The following HTT variants were observed in gnomAD, a reference collection of about 807,000 sequenced individuals.
HTT encodes the protein huntingtin.
Under a neutral mutation model 362.3 loss-of-function variants are expected in HTT, and 104 were observed. The ratio of observed to expected loss-of-function variants is 0.29; its 90% CI spans 0.24 to 0.34. The LOEUF is 0.34. HTT is among the 10% of genes least tolerant of loss of function. The probability of loss-of-function intolerance (pLI) is 1.00; values close to 1 mark genes in which losing one functional copy is unlikely to be tolerated. For synonymous variants in HTT, 1,577 were observed against 1,548.7 expected, an observed-to-expected ratio of 1.02 and a Z score of -0.43; for missense variants, 3,301 against 3,928.6, an observed-to-expected ratio of 0.84 and a Z score of 4.27.
intron 29 of HTT, among the ~76,000 whole-genome samples, chr4:3,169,183 T>C (rs1717853639): frequency 6.6e-6 from 1 of 152,232 alleles, no homozygotes; most frequent in African/African-American, 2.4e-5. Flanking sequence ...CACGCCTGGC[T>C]AATTTTTTGT....
At chr4:3,174,865 A>G (rs534544200) in intron 32 of HTT, 66 bp downstream of exon 32, 1 of 1,560,664 alleles carries the variant, frequency 6.4e-7, no homozygotes, top group African/African-American at 1.4e-5. Flanking sequence ...ACTGGAGCTG[A>G]GACTTTCCAG....
chr4:3,204,189 G>A, intron 42 of HTT, 41 bp downstream of exon 42: 1 of 1,609,768 alleles, frequency 6.2e-7, no homozygotes, highest in Non-Finnish European at 8.5e-7. Context: ...AGGGAGGTGG[G>A]GACCAGGAGA....
intron 22 of HTT, 96 bp from the exon 23 acceptor site, chr4:3,142,670 T>C (rs2110200268): frequency 1.5e-6 from 1 of 647,600 alleles, no homozygotes. Flanking sequence ...TGCTTAACTT[T>C]TTTTAATCTT....
chr4:3,138,736 C>CA (rs772927181), intron 21 of HTT, among the ~76,000 whole-genome samples: 10 of 152,230 alleles, frequency 6.6e-5, no homozygotes, highest in Non-Finnish European at 1.2e-4. Flanking sequence ...GTCAGCCTCC[C>CA]AGGAAGCTGG....
In HTT at chr4:3,130,307, C is replaced by A; in HGVS notation, c.1870C>A (p.Leu624Ile). ...TCTTGATTTCTCTGTTTTTAAAGCC[C>A]TTCAACAGGCACATTTATTGAAAAA... ...SEAFRNSSMA[L>I]QQAHLLKNMS... Residue 624 changes from leucine (L) to isoleucine (I), a missense_variant and splice_region_variant, in exon 14 of 67, where the codon CTT (leucine) becomes ATT (isoleucine). Physicochemically the swap from Leu to Ile is conservative, Grantham distance 5 (BLOSUM62 2). Around this residue, in one of 4 missense-constraint regions of HTT, gnomAD observed 2,316 missense variants for 2,658.5 expected, o/e 0.87. Coordinates refer to ENST00000355072, the MANE Select transcript of HTT (RefSeq NM_001388492.1). 1 of 1,559,018 alleles carries A rather than the reference C, an allele frequency of 6.4e-7. No homozygotes were observed. The highest frequency in any genetic ancestry group is 8.7e-7 in the Non-Finnish European group (1 of 1,143,794).
chr4:3,207,370 A>G lies in HTT; in HGVS notation c.6152+13A>G, dbSNP rs747652626. On this transcript the variant is annotated intron_variant, in intron 45 of 66. Coordinates refer to ENST00000355072, the MANE Select transcript of HTT (RefSeq NM_001388492.1). ...GGCTCGCTCAGAGGTAATGCTGGAA[A>G]CACAGGTCGTCCTTGTGTTAGGACA... The G allele has an allele frequency of 3.1e-6, 5 of 1,603,472 alleles. No individual in the cohort carries two copies. The African/African-American group carries it at 5.3e-5, about 17-fold the overall frequency.
At chr4:3,110,941 AC>A (rs1714713996) in intron 6 of HTT, among the ~76,000 whole-genome samples, 1 of 152,076 alleles carries the variant, frequency 6.6e-6, no homozygotes, top group African/African-American at 2.4e-5. Context: ...CTCACATCTT[AC>A]CTTTTTCTTT....
chr4:3,225,313 C>G (rs892280661), intron 56 of HTT, among the ~76,000 whole-genome samples: 6 of 152,166 alleles, frequency 3.9e-5, no homozygotes, highest in South Asian at 2.1e-4. Context: ...ACTGTCGGCT[C>G]GCCTGCAACT....
chr4:3,172,417 C>T lies in HTT; in HGVS notation c.3942+20C>T, dbSNP rs1045604868. 4 of 1,536,572 alleles carry T rather than the reference C, an allele frequency of 2.6e-6. No individual in the cohort carries two copies. Among genetic ancestry groups the T allele is most frequent in the Non-Finnish European group, 3.6e-6 (4 of 1,109,366 alleles). ...CAACAAGTAAGAGCTTCATTCTTTTCCTCTTCTGTTAAGACGTTCGGGTAT... is the reference window on the plus strand; with the variant it reads ...CAACAAGTAAGAGCTTCATTCTTTTTCTCTTCTGTTAAGACGTTCGGGTAT... On this transcript the variant is annotated intron_variant, in intron 30 of 66. Coordinates refer to ENST00000355072, the MANE Select transcript of HTT (RefSeq NM_001388492.1).
chr4:3,076,384 A>G (rs1324444221), intron 1 of HTT, among the ~76,000 whole-genome samples: 1 of 152,178 alleles, frequency 6.6e-6, no homozygotes, highest in African/African-American at 2.4e-5. Flanking sequence ...ATTAATTTTT[A>G]GTAATATTTC....
chr4:3,212,012 A>G lies in HTT; in HGVS notation c.6498A>G (p.Glu2166=), dbSNP rs772707532. The G allele has an allele frequency of 6.2e-7, 1 of 1,614,176 alleles. No individual in the cohort carries two copies. The highest frequency in any genetic ancestry group is 1.1e-5 in the South Asian group (1 of 91,084). Residue 2166 remains glutamate (E), a synonymous_variant, in exon 48 of 67, where the codon GAA becomes GAG. Transcript: ENST00000355072. The part of the protein sequence containing the change: ...ISGGQKSALF[E]AAREVTLARV... ...GTGGCCAGAAGAGTGCCCTTTTTGA[A>G]GCAGCCCGTGAGGTGACTCTGGCCC...
chr4:3,238,670 C>CT, intron 65 of HTT, 61 bp downstream of exon 65: 1 of 1,520,348 alleles, frequency 6.6e-7, no homozygotes, highest in Non-Finnish European at 8.9e-7. Context: ...TTGCCTCCGA[C>CT]TTCCCAGCAG....
At chr4:3,187,507 A>C (rs1718822726) in intron 38 of HTT, 144 bp from the exon 39 acceptor site, 1 of 646,338 alleles carries the variant, frequency 1.5e-6, no homozygotes. Flanking sequence ...CTTTTCTGGG[A>C]GCACACTTTG....
chr4:3,208,933 A>G, intron 46 of HTT, 22 bp downstream of exon 46: 2 of 1,601,900 alleles, frequency 1.2e-6, no homozygotes, highest in Non-Finnish European at 8.5e-7. Context: ...GCGTGTCTGC[A>G]TGGGAGGCAC....
chr4:3,115,233 A>G (rs1714958265), intron 6 of HTT, 71 bp from the exon 7 acceptor site: 6 of 1,432,870 alleles, frequency 4.2e-6, no homozygotes, highest in Non-Finnish European at 5.8e-6. Flanking sequence ...ATTCACGTTA[A>G]GTTTTATGTA....
chr4:3,221,264 AAG>A (rs1440011686), intron 53 of HTT, among the ~76,000 whole-genome samples: 1 of 152,116 alleles, frequency 6.6e-6, no homozygotes, highest in Non-Finnish European at 1.5e-5. Flanking sequence ...TCAATGTCCA[AAG>A]AGAGCCCTGA....
Position 3,130,002 on chromosome 4 carries a change from A to G in HTT, c.1822A>G (p.Ile608Val), listed in dbSNP as rs553755514. The change falls in exon 13 of 67, where the codon ATT becomes GTT. Residue 608 changes from isoleucine (I) to valine (V), a missense_variant. This residue lies in a region of HTT where 2,316 missense variants were observed against 2,658.5 expected (regional missense o/e 0.87). Transcript: ENST00000355072. ...GGATGAAGATGAGGAAGCCACAGGT[A>G]TTCTTCCTGATGAAGCCTCGGAGGC... Reference protein sequence around the residue: ...PQDEDEEATGILPDEASEAFR... With the variant: ...PQDEDEEATGVLPDEASEAFR... 3.7e-6 allele frequency: 6 copies of G among 1,613,542 alleles called. No homozygotes were observed. Among genetic ancestry groups the G allele is most frequent in the African/African-American group, 2.7e-5 (2 of 75,026 alleles).
At chr4:3,124,505 G>T (rs1715432835) in intron 10 of HTT, among the ~76,000 whole-genome samples, 1 of 152,158 alleles carries the variant, frequency 6.6e-6, no homozygotes, top group East Asian at 1.9e-4. Context: ...AGTAGTGGGG[G>T]TGTCCTGGAG....
At chr4:3,178,230 T>G (rs1718330650) in intron 34 of HTT, 68 bp from the exon 35 acceptor site, 1 of 1,189,692 alleles carries the variant, frequency 8.4e-7, no homozygotes, top group African/African-American at 1.5e-5. Flanking sequence ...TGAATTATTT[T>G]ATGTTGCTTA....
Sources: allele counts gnomAD v4.1 joint callset (sites outside exome capture counted in the v4.1 genomes callset), GRCh38; gene constraint gnomAD v4.1.1; regional missense constraint gnomAD v4.1.1; transcripts MANE v1.5; gene names NCBI Gene and HGNC (gene_info 2026-07-23, HGNC 2026-07-21).